The following SNX7 variants were observed in gnomAD, a reference collection of about 807,000 sequenced individuals.
SNX7 encodes sorting nexin-7.
Under a neutral mutation model 48.4 loss-of-function variants are expected in SNX7, and 35 were observed. The ratio of observed to expected loss-of-function variants is 0.72; its 90% CI spans 0.55 to 0.96. The LOEUF (loss-of-function observed/expected upper bound fraction) is 0.96. Among genes scored for constraint, SNX7 ranks in the 40% least tolerant of loss-of-function variants. The pLI is 0.00. For missense variants in SNX7, 553 were observed against 548.9 expected (o/e 1.01, Z -0.07); for synonymous variants, 190 against 190.2 (o/e 1.00, Z 0.01).
intron 8 of SNX7, among the ~76,000 whole-genome samples, chr1:98,759,798 TG>T (rs1655024664): frequency 1.3e-5 from 2 of 152,072 alleles, no homozygotes; most frequent in Admixed American, 6.6e-5. Context: ...TCTCTTAATA[TG>T]GGGTAATAGT....
chr1:98,744,262 TC>T (rs1351751681), intron 8 of SNX7, among the ~76,000 whole-genome samples: 1 of 151,886 alleles, frequency 6.6e-6, no homozygotes, highest in African/African-American at 2.4e-5. Flanking sequence ...AATCATACAC[TC>T]TAAATGAGAA....
chr1:98,691,960 CTCTCTCTA>C (rs1651165712), intron 4 of SNX7, among the ~76,000 whole-genome samples: 1 of 150,784 alleles, frequency 6.6e-6, no homozygotes, highest in Non-Finnish European at 1.5e-5. Flanking sequence ...CTCTCTCTCT[CTCTCTCTA>C]ATGTTTTTAT....
chr1:98,742,416 C>G (rs960663215), intron 8 of SNX7, among the ~76,000 whole-genome samples: 3 of 152,112 alleles, frequency 2.0e-5, no homozygotes, highest in African/African-American at 7.2e-5. Context: ...GGAGATAGCG[C>G]TGTCCTCTCT....
At position 98,662,742 on chromosome 1, in the gene SNX7, G is replaced by C. The variant is rs561315223; in HGVS notation, c.180+831G>C. 210 of 1,289,372 alleles carry C rather than the reference G, an allele frequency of 1.6e-4. 7 individuals carry two copies. In the South Asian group the frequency reaches 2.6e-3, roughly 16 times the overall value. The allele number at this position is 1,289,372 out of a possible 1,614,324, so 79.9% of individuals were successfully genotyped here. On this transcript the variant is annotated intron_variant, in intron 1 of 8. Transcript: ENST00000306121. ...GTTTCTCAAGTTGCTGCTGAGAGAA[G>C]ACCTGAGTTCAGATCACAACGCTGT... is the stretch of plus-strand genomic sequence containing the variant.
At chr1:98,678,180 G>A (rs1050582773) in intron 1 of SNX7, among the ~76,000 whole-genome samples, 11 of 152,168 alleles carry the variant, frequency 7.2e-5, no homozygotes, top group South Asian at 2.1e-4. Context: ...CGATTGTAGC[G>A]AAAGGTGAAG....
intron 7 of SNX7, among the ~76,000 whole-genome samples, chr1:98,728,386 G>C (rs1653306033): frequency 6.6e-6 from 1 of 151,904 alleles, no homozygotes; most frequent in East Asian, 1.9e-4. Context: ...ACTGAAGGAA[G>C]CACTAAAGTC....
At chr1:98,733,349 T>G (rs1380795187) in intron 7 of SNX7, among the ~76,000 whole-genome samples, 2 of 152,152 alleles carry the variant, frequency 1.3e-5, no homozygotes, top group Non-Finnish European at 2.9e-5. Context: ...TTGCTGCTTT[T>G]CAGTTTCTGT....
At chr1:98,688,737 A>G (rs1259255391) in intron 2 of SNX7, among the ~76,000 whole-genome samples, 1 of 152,190 alleles carries the variant, frequency 6.6e-6, no homozygotes, top group Non-Finnish European at 1.5e-5. Flanking sequence ...ATTGGCCAGC[A>G]TTTTCAATGT....
rs187357093 is a variant in SNX7, at chr1:98,686,811, C to A, written c.363+1744C>A. ...ATACAGGCATACTGCTAGAGTAGAG[C>A]CAAATTTCTTCTATTACTACTGTTA... On this transcript the variant is annotated intron_variant, in intron 2 of 8. Coordinates refer to ENST00000306121, the MANE Select transcript of SNX7 (RefSeq NM_015976.5). Among the ~76,000 whole-genome samples the A allele has an allele frequency of 4.8e-4, 73 of 152,164 alleles. 1 individual carries two copies. Among genetic ancestry groups the A allele is most frequent in the Admixed American group, 4.5e-3 (69 of 15,284 alleles).
chr1:98,682,702 G>A (rs2100935690), intron 1 of SNX7, among the ~76,000 whole-genome samples: 1 of 152,142 alleles, frequency 6.6e-6, no homozygotes, highest in South Asian at 2.1e-4. Flanking sequence ...AATCTTTAGG[G>A]AATTTAAAAA....
intron 7 of SNX7, among the ~76,000 whole-genome samples, chr1:98,704,663 G>A (rs919259489): frequency 4.6e-5 from 7 of 152,182 alleles, no homozygotes; most frequent in Admixed American, 3.9e-4. Context: ...TCACCATGGC[G>A]ACCCTGGCAG....
rs1649240684 is a variant in SNX7, at chr1:98,661,848, C to T, written c.117C>T (p.Ala39=). Residue 39 remains alanine, a synonymous_variant, in exon 1 of 9, where the codon GCC becomes GCT. Transcript: ENST00000306121. Reference sequence around the variant, plus strand: ...TTCCGGGCAGCAGTGGCTCTTCCGCCCTGCTGCAGGCGGAGGTGCTGGATC... The same window carrying T: ...TTCCGGGCAGCAGTGGCTCTTCCGCTCTGCTGCAGGCGGAGGTGCTGGATC... ...APFPGSSGSS[A]LLQAEVLDLD... The T allele has an allele frequency of 8.0e-7, 1 of 1,246,686 alleles. No homozygotes were observed. The highest frequency in any genetic ancestry group is 1.0e-6 in the Non-Finnish European group (1 of 987,428). The allele number at this position is 1,246,686 out of a possible 1,614,324, so 77.2% of individuals were successfully genotyped here.
intron 8 of SNX7, among the ~76,000 whole-genome samples, chr1:98,756,053 T>C (rs1323787287): frequency 2.6e-5 from 4 of 152,070 alleles, no homozygotes; most frequent in African/African-American, 9.6e-5. Flanking sequence ...TTTACATCTC[T>C]TTGTGGTGTA....
chr1:98,749,721 G>A (rs1266351825), intron 8 of SNX7, among the ~76,000 whole-genome samples: 1 of 152,022 alleles, frequency 6.6e-6, no homozygotes, highest in Non-Finnish European at 1.5e-5. Flanking sequence ...TTAGGTTTAG[G>A]AGATTTAAAA....
intron 7 of SNX7, among the ~76,000 whole-genome samples, chr1:98,712,373 A>ATTG (rs1652358953): frequency 6.6e-6 from 1 of 152,198 alleles, no homozygotes; most frequent in Non-Finnish European, 1.5e-5. Flanking sequence ...TAAATGACTC[A>ATTG]TTGACTCATG....
At chr1:98,738,920 A>T (rs1045829156) in intron 8 of SNX7, among the ~76,000 whole-genome samples, 1 of 152,120 alleles carries the variant, frequency 6.6e-6, no homozygotes, top group Non-Finnish European at 1.5e-5. Flanking sequence ...TTTTTCTAGA[A>T]AGTATATTTT....
At chr1:98,714,874 G>T (rs1652506358) in intron 7 of SNX7, among the ~76,000 whole-genome samples, 2 of 152,142 alleles carry the variant, frequency 1.3e-5, no homozygotes, top group Admixed American at 1.3e-4. Context: ...TTCAAGTGGG[G>T]AAGAGTTGTG....
chr1:98,721,832 A>C (rs985164549), intron 7 of SNX7, among the ~76,000 whole-genome samples: 1 of 152,134 alleles, frequency 6.6e-6, no homozygotes. Flanking sequence ...AGGGAATTAC[A>C]TCTAAAGAGG....
At chr1:98,669,212 T>C (rs1649707455) in intron 1 of SNX7, among the ~76,000 whole-genome samples, 1 of 152,214 alleles carries the variant, frequency 6.6e-6, no homozygotes, top group Non-Finnish European at 1.5e-5. Flanking sequence ...ATCCCTCTCA[T>C]GCACTCTCCA....
Sources: gnomAD v4.1 joint callset for allele counts (sites outside exome capture counted in the v4.1 genomes callset) on GRCh38, gnomAD v4.1.1 for gene constraint, MANE v1.5 for transcripts, NCBI Gene and HGNC (gene_info 2026-07-23, HGNC 2026-07-21) for gene names.